The following PRTFDC1 variants were observed in gnomAD, a reference collection of about 807,000 sequenced individuals.
PRTFDC1 encodes the protein phosphoribosyl transferase domain containing 1.
In PRTFDC1, 38 loss-of-function variants were observed where a neutral mutation model predicts 34.6. The ratio of observed to expected loss-of-function variants is 1.10; its 90% CI spans 0.85 to 1.44. The LOEUF is 1.44. Ranked by LOEUF, PRTFDC1 falls within the 40% of genes most tolerant of loss-of-function variation. The pLI, the probability that PRTFDC1 is intolerant of heterozygous loss-of-function variation, is 0.00. For synonymous variants in PRTFDC1, 93 were observed against 98.1 expected (o/e 0.95, Z 0.31); for missense variants, 270 against 283.0 (o/e 0.95, Z 0.33).
intron 3 of PRTFDC1, among the ~76,000 whole-genome samples, chr10:24,924,631 A>G (rs1314586117): frequency 1.3e-5 from 2 of 152,232 alleles, no homozygotes; most frequent in Admixed American, 6.5e-5. Context: ...ACAAGAAAAA[A>G]CAACCCCATC....
intron 1 of PRTFDC1, among the ~76,000 whole-genome samples, chr10:24,944,361 A>C (rs274299): frequency 6.6e-6 from 1 of 151,976 alleles, no homozygotes; most frequent in African/African-American, 2.4e-5. Context: ...CTCCACTGCT[A>C]TTCCCCCACC....
intron 3 of PRTFDC1, among the ~76,000 whole-genome samples, chr10:24,873,788 T>C (rs10128361): frequency 0.015 from 2,244 of 151,770 alleles, 52 homozygotes; most frequent in African/African-American, 0.052. Context: ...ATGGAGTTGG[T>C]CATCTGGGAA....
chr10:24,881,799 AG>A (rs1166858259), intron 3 of PRTFDC1, among the ~76,000 whole-genome samples: 3 of 152,138 alleles, frequency 2.0e-5, no homozygotes, highest in Admixed American at 6.5e-5. Flanking sequence ...TTTTGCACTG[AG>A]GGCCCTGGAG....
At chr10:24,860,117 C>T (rs571942800) in intron 4 of PRTFDC1, among the ~76,000 whole-genome samples, 6 of 152,138 alleles carry the variant, frequency 3.9e-5, no homozygotes, top group African/African-American at 1.4e-4. Context: ...CAGTGGCTCA[C>T]GTCTGTAATC....
intron 3 of PRTFDC1, among the ~76,000 whole-genome samples, chr10:24,894,390 C>A (rs544326853): frequency 6.6e-6 from 1 of 151,640 alleles, no homozygotes; most frequent in South Asian, 2.1e-4. Context: ...GGCCCTTTGG[C>A]CGTGGGAAGT....
Position 24,872,024 on chromosome 10 carries a change from C to G in PRTFDC1, c.379G>C (p.Asp127His). 1 of 1,612,232 alleles carries G rather than the reference C, an allele frequency of 6.2e-7. No individual in the cohort carries two copies. Among genetic ancestry groups the G allele is most frequent in the South Asian group, 1.1e-5 (1 of 91,010 alleles). ...TTTCCAGCCAGCGTTGAAAGATCAT[C>G]GCCTCCGATTATCTGCATCTCACCC... The part of the protein sequence containing the change: ...SMGEMQIIGG[D>H]DLSTLAGKNV... Residue 127 changes from aspartate (D) to histidine (H), a missense_variant, in exon 4 of 9, where the codon GAT becomes CAT. Coordinates refer to ENST00000320152, the MANE Select transcript of PRTFDC1 (RefSeq NM_020200.7).
intron 3 of PRTFDC1, among the ~76,000 whole-genome samples, chr10:24,929,425 T>C (rs1848938600): frequency 6.6e-6 from 1 of 152,192 alleles, no homozygotes; most frequent in African/African-American, 2.4e-5. Context: ...GGTTACACTG[T>C]GAGTTGTATT....
chr10:24,901,398 A>G (rs1848447428), intron 3 of PRTFDC1, among the ~76,000 whole-genome samples: 1 of 152,198 alleles, frequency 6.6e-6, no homozygotes, highest in South Asian at 2.1e-4. Context: ...TTAAAGAGAA[A>G]TGACCACCAC....
At chr10:24,872,085 AG>A (rs760286682) in intron 3 of PRTFDC1, 22 bp from the exon 4 acceptor site, 1 of 1,581,602 alleles carries the variant, frequency 6.3e-7, no homozygotes, top group African/African-American at 1.4e-5. Flanking sequence ...AAGAAAAAAA[AG>A]GGAGACAATT....
chr10:24,862,102 A>G (rs530457778), intron 4 of PRTFDC1, among the ~76,000 whole-genome samples: 1 of 152,286 alleles, frequency 6.6e-6, no homozygotes, highest in African/African-American at 2.4e-5. Flanking sequence ...TACATGCTTA[A>G]CTGTTTAAAG....
chr10:24,894,897 G>A (rs77879731), intron 3 of PRTFDC1, among the ~76,000 whole-genome samples: 2,384 of 152,162 alleles, frequency 0.016, 48 homozygotes, highest in East Asian at 0.1. Flanking sequence ...AAGTAGTGGC[G>A]ACACACACCA....
At chr10:24,876,006 C>A (rs944128086) in intron 3 of PRTFDC1, among the ~76,000 whole-genome samples, 2 of 152,058 alleles carry the variant, frequency 1.3e-5, no homozygotes, top group Non-Finnish European at 2.9e-5. Context: ...TAGGTGTAAG[C>A]CACCACGCCT....
intron 3 of PRTFDC1, among the ~76,000 whole-genome samples, chr10:24,892,344 T>G (rs1848277462): frequency 6.6e-6 from 1 of 152,172 alleles, no homozygotes; most frequent in Non-Finnish European, 1.5e-5. Context: ...ATAGTAGCTA[T>G]GCTACATTCC....
Position 24,848,803 on chromosome 10 carries a change from A to C in PRTFDC1, c.*1041T>G, listed in dbSNP as rs953757103. ...TTTATTTTCAATTAAAATCCCCATA[A>C]ATTAGGAAATGTCTTATAAAACGGA... On this transcript the variant is annotated 3_prime_UTR_variant, in exon 9 of 9. Transcript: ENST00000320152. The C allele has an allele frequency of 6.6e-6, 1 of 152,218 alleles. No homozygotes were observed. Among genetic ancestry groups the C allele is most frequent in the African/African-American group, 2.4e-5 (1 of 41,458 alleles). 9.4% of individuals were successfully genotyped at this position (152,218 alleles called of 1,614,324 possible). A position where few individuals can be genotyped will look rare whatever the true frequency, so the allele number is the denominator to read the frequency against.
intron 3 of PRTFDC1, among the ~76,000 whole-genome samples, chr10:24,880,421 G>T (rs1010176347): frequency 1.5e-4 from 22 of 151,654 alleles, no homozygotes; most frequent in Non-Finnish European, 2.8e-4. Context: ...TAAATTTTTT[G>T]TTGTTGTTGT....
chr10:24,926,185 G>T (rs1393267475), intron 3 of PRTFDC1, among the ~76,000 whole-genome samples: 2 of 152,074 alleles, frequency 1.3e-5, no homozygotes, highest in African/African-American at 4.8e-5. Context: ...AACCCCTCTG[G>T]CCTCCATGCT....
chr10:24,901,533 T>C (rs1435449965), intron 3 of PRTFDC1, among the ~76,000 whole-genome samples: 2 of 152,046 alleles, frequency 1.3e-5, no homozygotes, highest in Non-Finnish European at 2.9e-5. Flanking sequence ...GAAACCAGCC[T>C]GGGCAACATA....
At chr10:24,881,681 T>C (rs1402455147) in intron 3 of PRTFDC1, among the ~76,000 whole-genome samples, 2 of 152,154 alleles carry the variant, frequency 1.3e-5, no homozygotes, top group African/African-American at 4.8e-5. Flanking sequence ...ACCTCAACAA[T>C]CACTCTAGTT....
chr10:24,872,860 T>C (rs886512129), intron 3 of PRTFDC1, among the ~76,000 whole-genome samples: 4 of 142,840 alleles, frequency 2.8e-5, no homozygotes, highest in Non-Finnish European at 6.0e-5. Context: ...CAGGCTGAAG[T>C]GCAGTGGGGT....
Sources: allele counts gnomAD v4.1 joint callset (sites outside exome capture counted in the v4.1 genomes callset), GRCh38; gene constraint gnomAD v4.1.1; transcripts MANE v1.5; gene names NCBI Gene and HGNC (gene_info 2026-07-23, HGNC 2026-07-21).